Variants in EZH2 observed in about 807,000 individuals in gnomAD.
The protein encoded by EZH2 is enhancer of zeste 2 polycomb repressive complex 2 subunit.
EZH2 carries 18 observed loss-of-function variants against 98.4 expected under a neutral mutation model. That is an observed-to-expected ratio of 0.18 (90% CI 0.13 to 0.27). EZH2 has a LOEUF of 0.27. Ranked by LOEUF, EZH2 falls within the 10% of genes least tolerant of loss-of-function variation. The probability of loss-of-function intolerance (pLI) is 1.00; values close to 1 mark genes in which losing one functional copy is unlikely to be tolerated. For missense variants in EZH2, 470 were observed against 935.1 expected (o/e 0.50, Z 6.49); for synonymous variants, 338 against 312.3 (o/e 1.08, Z -0.87).
intron 1 of EZH2, among the ~76,000 whole-genome samples, chr7:148,878,016 A>G (rs1563078885): frequency 6.6e-6 from 1 of 152,160 alleles, no homozygotes; most frequent in Non-Finnish European, 1.5e-5. Flanking sequence ...AGTTTTCTTC[A>G]GTTTCCTCAT....
Position 148,832,687 on chromosome 7 carries a change from C to T in EZH2, c.310G>A (p.Val104Ile), listed in dbSNP as rs968299371. ...QVIPLKTLNA[V>I]ASVPIMYSWS... Reference sequence around the variant, plus strand: ...GAATACATTATGGGTACTGAAGCAACTGCATTCAGAGTCTTTAATGGGATG... The same window carrying T: ...GAATACATTATGGGTACTGAAGCAATTGCATTCAGAGTCTTTAATGGGATG... Residue 104 changes from valine (V) to isoleucine (I), a missense_variant, in exon 4 of 20, where the codon GTT becomes ATT. Around this residue, in one of 6 missense-constraint regions of EZH2, gnomAD observed 21 missense variants for 84.2 expected, o/e 0.25. Coordinates refer to ENST00000320356, the MANE Select transcript of EZH2 (RefSeq NM_004456.5). The T allele has an allele frequency of 6.2e-7, 1 of 1,611,086 alleles. No homozygotes were observed. The highest frequency in any genetic ancestry group is 1.3e-5 in the African/African-American group (1 of 74,864).
chr7:148,836,670 A>T (rs1429739997), intron 3 of EZH2, among the ~76,000 whole-genome samples: 3 of 152,172 alleles, frequency 2.0e-5, no homozygotes, highest in Non-Finnish European at 4.4e-5. Context: ...CAACTTGAGG[A>T]TCACACAAGG....
intron 10 of EZH2, 153 bp downstream of exon 10, chr7:148,817,724 C>G: frequency 1.8e-6 from 2 of 1,127,252 alleles, no homozygotes; most frequent in Non-Finnish European, 2.6e-6. Flanking sequence ...AGGCAGGAAA[C>G]AGAAACAACA....
intron 3 of EZH2, among the ~76,000 whole-genome samples, chr7:148,844,958 TAA>T (rs370647018): frequency 1.4e-5 from 2 of 144,730 alleles, no homozygotes; most frequent in Non-Finnish European, 1.5e-5. Flanking sequence ...TTGCCTGGAT[TAA>T]AAAAAAAAAA....
In EZH2 at chr7:148,819,744, C is replaced by A; in HGVS notation, c.908-57G>T. On this transcript the variant is annotated intron_variant, in intron 8 of 19. Transcript: ENST00000320356. ...TAACTATAAAATACTTACTTTTTCA[C>A]TCTTCCAGTTCCACTGGAAAAGTCA... The A allele has an allele frequency of 2.0e-6, 3 of 1,471,548 alleles. No homozygotes were observed. In the East Asian group the frequency reaches 6.9e-5, roughly 34 times the overall value. The allele number at this position is 1,471,548 out of a possible 1,614,324, so 91.2% of individuals were successfully genotyped here. A position where few individuals can be genotyped will look rare whatever the true frequency, so the allele number is the denominator to read the frequency against.
intron 1 of EZH2, among the ~76,000 whole-genome samples, chr7:148,866,655 T>C (rs999742897): frequency 6.8e-6 from 1 of 147,030 alleles, no homozygotes; most frequent in African/African-American, 2.5e-5. Flanking sequence ...TATACGTATA[T>C]ACGTATATGC....
chr7:148,846,940 T>C (rs1436948998), intron 2 of EZH2, among the ~76,000 whole-genome samples: 1 of 151,380 alleles, frequency 6.6e-6, no homozygotes, highest in Non-Finnish European at 1.5e-5. Context: ...ATGCATCCCT[T>C]TATATTTAGG....
At chr7:148,852,122 C>G (rs1437830421) in intron 1 of EZH2, among the ~76,000 whole-genome samples, 7 of 152,162 alleles carry the variant, frequency 4.6e-5, no homozygotes, top group Non-Finnish European at 1.0e-4. Context: ...ACAGTGAAAC[C>G]AAAACAACAA....
intron 1 of EZH2, among the ~76,000 whole-genome samples, chr7:148,864,952 C>T (rs1304060613): frequency 6.6e-6 from 1 of 151,948 alleles, no homozygotes; most frequent in Non-Finnish European, 1.5e-5. Flanking sequence ...CACGGTAAAA[C>T]CCCATCTCTA....
chr7:148,814,079 C>T lies in EZH2; in HGVS notation c.1731G>A (p.Pro577=), dbSNP rs41277437. Residue 577 remains proline, a synonymous_variant, in exon 15 of 20, where the codon CCG becomes CCA. Transcript: ENST00000320356. ...CACACTCTCGGACAGCCAGGTAGCA[C>T]GGGCACTGCTTGGTGTTGCACTGTG... ...CKAQCNTKQC[P]CYLAVRECDP... is the part of the protein sequence containing the mutation. The T allele has an allele frequency of 0.015, 24,041 of 1,614,132 alleles. 220 individuals carry two copies. The highest frequency in any genetic ancestry group is 0.018 in the Non-Finnish European group (20,920 of 1,180,022).
chr7:148,822,290 A>C (rs1465829807), intron 8 of EZH2, among the ~76,000 whole-genome samples: 1 of 145,038 alleles, frequency 6.9e-6, no homozygotes, highest in Non-Finnish European at 1.5e-5. Flanking sequence ...CGGGCAGATC[A>C]CTTGAGGTCA....
chr7:148,881,964 ACG>A (rs60902143), intron 1 of EZH2, among the ~76,000 whole-genome samples: 2,898 of 58,818 alleles, frequency 0.049, 98 homozygotes, highest in African/African-American at 0.21. Flanking sequence ...ACACACACAC[ACG>A]CGCGCGCACA....
intron 1 of EZH2, among the ~76,000 whole-genome samples, chr7:148,865,332 T>G (rs1340315113): frequency 6.6e-6 from 1 of 152,190 alleles, no homozygotes; most frequent in East Asian, 1.9e-4. Flanking sequence ...CAACATCTAA[T>G]TTAACTTACA....
chr7:148,840,316 T>C (rs1246075263), intron 3 of EZH2, among the ~76,000 whole-genome samples: 2 of 152,160 alleles, frequency 1.3e-5, no homozygotes, highest in African/African-American at 4.8e-5. Flanking sequence ...TTATGGTATA[T>C]CCATAATGTC....
intron 19 of EZH2, among the ~76,000 whole-genome samples, chr7:148,808,488 A>G (rs1343453593): frequency 3.3e-5 from 5 of 152,248 alleles, no homozygotes; most frequent in African/African-American, 1.2e-4. Flanking sequence ...ACTTAAATGT[A>G]TCCCACAGAG....
intron 1 of EZH2, among the ~76,000 whole-genome samples, chr7:148,876,804 A>G (rs2129494214): frequency 6.6e-6 from 1 of 152,254 alleles, no homozygotes. Context: ...TCTCCCTTAT[A>G]TGTTCTTCAG....
chr7:148,883,414 A>C (rs957709250), intron 1 of EZH2: 1 of 152,460 alleles, frequency 6.6e-6, no homozygotes, highest in African/African-American at 2.4e-5. Context: ...CGGCGAGGGC[A>C]GCCCGCGACC....
At chr7:148,817,515 A>G in intron 10 of EZH2, 124 bp from the exon 11 acceptor site, 1 of 917,394 alleles carries the variant, frequency 1.1e-6, no homozygotes, top group Non-Finnish European at 1.6e-6. Context: ...TCGGCAAAAC[A>G]CTAACCCATC....
chr7:148,839,534 G>T (rs1811876651), intron 3 of EZH2, among the ~76,000 whole-genome samples: 1 of 150,188 alleles, frequency 6.7e-6, no homozygotes, highest in South Asian at 2.1e-4. Context: ...AAATGGGGGG[G>T]GGGCAATCTG....
Sources: gnomAD v4.1 joint callset for allele counts (sites outside exome capture counted in the v4.1 genomes callset) on GRCh38, gnomAD v4.1.1 for gene constraint, gnomAD v4.1.1 regional missense constraint, MANE v1.5 for transcripts, NCBI Gene and HGNC (gene_info 2026-07-23, HGNC 2026-07-21) for gene names.